The following USP9Y variants were observed in gnomAD, a reference collection of about 807,000 sequenced individuals.
The protein encoded by USP9Y is ubiquitin carboxyl-terminal hydrolase 9Y.
USP9Y carries 41 observed loss-of-function variants against 53.1 expected under a neutral mutation model. The ratio of observed to expected loss-of-function variants is 0.77; its 90% CI spans 0.60 to 1.00. The LOEUF is 1.00. Ranked by LOEUF, USP9Y falls within the 50% of genes least tolerant of loss-of-function variation. The pLI, the probability that USP9Y is intolerant of heterozygous loss-of-function variation, is 0.00. For missense variants in USP9Y, 567 were observed against 535.8 expected (o/e 1.06, Z -0.58); for synonymous variants, 220 against 173.7 (o/e 1.27, Z -2.09).
At position 12,786,764 on chromosome Y, in the gene USP9Y, T is replaced by G. The variant is rs748616199; in HGVS notation, c.3525T>G (p.Cys1175Trp). Residue 1175 changes from cysteine to tryptophan, a missense_variant, in exon 24 of 46, where the codon TGT (cysteine) becomes TGG (tryptophan). Transcript: ENST00000338981. ...YGHVRAVAEA[C>W]QPVVDGTDPI... is the part of the protein sequence containing the mutation. ...ATGTTCGAGCTGTAGCAGAAGCTTG[T>G]CAGCCAGTTGTAGATGGTACAGACC... The G allele has an allele frequency of 2.5e-6, 1 of 399,035 alleles. No homozygotes were observed. The highest frequency in any genetic ancestry group is 3.5e-6 in the Non-Finnish European group (1 of 283,538).
At chrY:12,852,611 T>C in intron 42 of USP9Y, among the ~76,000 whole-genome samples, 2 of 33,163 alleles carry the variant, frequency 6.0e-5, no homozygotes, top group Non-Finnish European at 1.5e-4. Context: ...ATTTTTAGAG[T>C]GTTCAGCTTT....
At chrY:12,739,010 T>A (rs560534298) in intron 11 of USP9Y, among the ~76,000 whole-genome samples, 15 of 33,550 alleles carry the variant, frequency 4.5e-4, no homozygotes, top group African/African-American at 1.7e-3. Context: ...ACGATTATTA[T>A]AGAAGATTAT....
chrY:12,857,758 A>G, intron 45 of USP9Y, 97 bp downstream of exon 45: 1 of 204,867 alleles, frequency 4.9e-6, no homozygotes, highest in South Asian at 4.0e-5. Context: ...TGAAAGTCCA[A>G]ACTTTCTCTG....
chrY:12,812,721 A>G, intron 30 of USP9Y, 109 bp from the exon 31 acceptor site: 1 of 179,489 alleles, frequency 5.6e-6, no homozygotes, highest in Non-Finnish European at 1.0e-5. Flanking sequence ...ATATAATGAG[A>G]TATTTAATTA....
At chrY:12,853,824 A>G in intron 42 of USP9Y, among the ~76,000 whole-genome samples, 1 of 33,459 alleles carries the variant, frequency 3.0e-5, no homozygotes, top group Middle Eastern at 0.014. Flanking sequence ...AATTAGTTAC[A>G]ATAGGTAACA....
chrY:12,840,445 G>A lies in USP9Y; in HGVS notation c.5919G>A (p.Glu1973=), dbSNP rs374339283. The change falls in exon 36 of 46, where the codon GAG becomes GAA. Residue 1973 remains glutamate, a synonymous_variant. Coordinates refer to ENST00000338981, the MANE Select transcript of USP9Y (RefSeq NM_004654.4). ...ATGAGATGATAAGATACATATCAGA[G>A]CTAACTATTGCAAGACCCCATCAGA... ...EDDEMIRYIS[E]LTIARPHQII... The A allele has an allele frequency of 8.3e-4, 327 of 396,122 alleles. No individual in the cohort carries two copies. The highest frequency in any genetic ancestry group is 7.6e-3 in the Middle Eastern group (13 of 1,702).
Position 12,773,581 on chromosome Y carries a change from A to G in USP9Y, c.1989-2A>G. ...CTAATTACTGATTTATGTTTCTCCA[A>G]GATTTTTACTGAAGGATGGCCAACT... On this transcript the variant is annotated splice_acceptor_variant, in intron 16 of 45. Coordinates refer to ENST00000338981, the MANE Select transcript of USP9Y (RefSeq NM_004654.4). LOFTEE classifies it high-confidence loss of function. 1 of 398,297 alleles carries G rather than the reference A, an allele frequency of 2.5e-6. No homozygotes were observed. The highest frequency in any genetic ancestry group is 3.5e-6 in the Non-Finnish European group (1 of 282,935).
chrY:12,788,663 C>T (rs2053504209), intron 24 of USP9Y, among the ~76,000 whole-genome samples: 1 of 31,003 alleles, frequency 3.2e-5, no homozygotes, highest in South Asian at 7.7e-4. Flanking sequence ...AAAATTGAGA[C>T]CTGGAGCCAT....
At chrY:12,835,414 C>T in intron 34 of USP9Y, among the ~76,000 whole-genome samples, 1 of 33,596 alleles carries the variant, frequency 3.0e-5, no homozygotes, top group Non-Finnish European at 7.4e-5. Flanking sequence ...TTATACTTCT[C>T]TATGGGGTGG....
intron 39 of USP9Y, among the ~76,000 whole-genome samples, chrY:12,845,148 A>G (rs2053565318): frequency 3.0e-5 from 1 of 33,725 alleles, no homozygotes; most frequent in Non-Finnish European, 7.4e-5. Context: ...AGAGGATCAC[A>G]AGAAGCTTAA....
chrY:12,840,922 A>G, intron 36 of USP9Y, 88 bp from the exon 37 acceptor site: 1 of 278,769 alleles, frequency 3.6e-6, no homozygotes, highest in Non-Finnish European at 5.4e-6. Flanking sequence ...GGAAGGGGTA[A>G]GATAATCACT....
In USP9Y at chrY:12,707,409, G is replaced by A. The variant is rs1603195203; in HGVS notation, c.-120-1225G>A. 1.8e-4 allele frequency among the ~76,000 whole-genome samples: 6 copies of A among 33,402 alleles called. No homozygotes were observed. The East Asian group carries it at 3.9e-3, about 22-fold the overall frequency. The allele number at this position is 33,402 out of a possible 37,273, so 89.6% of individuals were successfully genotyped here. On this transcript the variant is annotated intron_variant, in intron 1 of 45. Transcript: ENST00000338981. ...TGGGATTACAGGTGTGAGCCACCAC[G>A]CCTGGCCCAGCAATTTACTTTTTTT...
At chrY:12,748,993 A>G in intron 12 of USP9Y, among the ~76,000 whole-genome samples, 1 of 33,541 alleles carries the variant, frequency 3.0e-5, no homozygotes, top group Non-Finnish European at 7.4e-5. Flanking sequence ...ACCTTAGAGC[A>G]GTTAATAGGT....
rs2053453757 is a variant in USP9Y at position 12,738,280 on chromosome Y, C to T, written c.1288C>T (p.Gln430Ter). ...GATTAAAGAAAAGGCTCTTACATTA[C>T]AGGACCTTGATAATATCTGGGCAGC... is the stretch of plus-strand genomic sequence containing the variant. ...FVIKEKALTL[Q>*]DLDNIWAAQA... The change falls in exon 11 of 46, where the codon CAG becomes TAG. Residue 430 changes from glutamine to a stop codon, truncating the protein, a stop_gained. Transcript: ENST00000338981. LOFTEE classifies it high-confidence loss of function. 2.5e-6 allele frequency: 1 copy of T among 394,203 alleles called. No homozygotes were observed. Among genetic ancestry groups the T allele is most frequent in the Non-Finnish European group, 3.5e-6 (1 of 282,167 alleles).
intron 12 of USP9Y, 72 bp downstream of exon 12, chrY:12,739,701 G>A: frequency 4.3e-5 from 9 of 211,416 alleles, no homozygotes; most frequent in East Asian, 1.2e-4. Context: ...AGTTTAATTC[G>A]TTAGATTTCT....
chrY:12,728,104 C>A, intron 7 of USP9Y, among the ~76,000 whole-genome samples: 1 of 33,057 alleles, frequency 3.0e-5, no homozygotes, highest in African/African-American at 1.2e-4. Context: ...AAAGCTTTTT[C>A]GGCATTGATG....
At chrY:12,772,184 A>C (rs766600029) in intron 16 of USP9Y, among the ~76,000 whole-genome samples, 1 of 33,185 alleles carries the variant, frequency 3.0e-5, no homozygotes, top group South Asian at 6.8e-4. Context: ...GGCAGGTGTT[A>C]ACTCCTCATT....
rs962952378 is a variant in USP9Y at position 12,709,263 on chromosome Y, C to T, written c.-60-125C>T. ...CTTTTTAATATGTAAGACAGTGGTA[C>T]CTTTTTTCCTTTTAGGTTATGAAAT... On this transcript the variant is annotated intron_variant, in intron 2 of 45. Coordinates refer to ENST00000338981, the MANE Select transcript of USP9Y (RefSeq NM_004654.4). 8.6e-5 allele frequency: 12 copies of T among 139,984 alleles called. No homozygotes were observed. The African/African-American group carries it at 9.8e-4, about 11-fold the overall frequency. 34.9% of individuals were successfully genotyped at this position (139,984 alleles called of 400,897 possible).
intron 12 of USP9Y, among the ~76,000 whole-genome samples, chrY:12,743,730 A>C (rs1037766377): frequency 2.7e-4 from 9 of 33,942 alleles, no homozygotes; most frequent in Non-Finnish European, 3.7e-4. Flanking sequence ...CCATGAATGG[A>C]CATCTGTATT....
Sources: gnomAD v4.1 joint callset for allele counts (sites outside exome capture counted in the v4.1 genomes callset) on GRCh38, gnomAD v4.1.1 for gene constraint, MANE v1.5 for transcripts, NCBI Gene and HGNC (gene_info 2026-07-23, HGNC 2026-07-21) for gene names.